Variants in WWC1 observed in about 807,000 individuals in gnomAD.
WWC1 encodes the protein WW and C2 domain containing 1.
WWC1 carries 55 observed loss-of-function variants against 138.4 expected under a neutral mutation model. The observed-to-expected ratio is 0.40, with a 90% CI of 0.32 to 0.50. The LOEUF is 0.50. Among genes scored for constraint, WWC1 ranks in the 20% least tolerant of loss-of-function variants. The pLI is 0.72. For missense variants in WWC1, 1,226 were observed against 1,420.4 expected, an observed-to-expected ratio of 0.86 and a Z score of 2.20; for synonymous variants, 524 against 564.9, an observed-to-expected ratio of 0.93 and a Z score of 1.03.
chr5:168,327,192 A>G (rs1342262536), intron 1 of WWC1, among the ~76,000 whole-genome samples: 3 of 152,228 alleles, frequency 2.0e-5, no homozygotes, highest in Non-Finnish European at 4.4e-5. Flanking sequence ...TCCAGTGCTC[A>G]TAGAAAACCC....
At chr5:168,449,403 G>A (rs934247113) in intron 17 of WWC1, among the ~76,000 whole-genome samples, 5 of 152,028 alleles carry the variant, frequency 3.3e-5, no homozygotes, top group Admixed American at 6.6e-5. Flanking sequence ...GGCCTCTGCC[G>A]CTCACTTTTT....
intron 1 of WWC1, among the ~76,000 whole-genome samples, chr5:168,343,777 A>T (rs1359024349): frequency 6.6e-6 from 1 of 151,144 alleles, no homozygotes; most frequent in Non-Finnish European, 1.5e-5. Context: ...AGCTGAGATC[A>T]TGCCACTGCA....
intron 13 of WWC1, 122 bp downstream of exon 13, chr5:168,428,909 C>CTGCT (rs1195537819): frequency 2.1e-6 from 2 of 968,374 alleles, no homozygotes; most frequent in African/African-American, 3.2e-5. Context: ...CCAGCAGGAC[C>CTGCT]TGCTGGCCAT....
intron 1 of WWC1, among the ~76,000 whole-genome samples, chr5:168,306,186 C>G (rs1770546156): frequency 6.6e-6 from 1 of 152,088 alleles, no homozygotes; most frequent in African/African-American, 2.4e-5. Context: ...TATGTGAGGT[C>G]AGGAGTTCGA....
At position 168,454,230 on chromosome 5, in the gene WWC1, A is replaced by C. The variant is rs541766544; in HGVS notation, c.2658+130A>C. 1.4e-5 allele frequency: 19 copies of C among 1,397,942 alleles called. No homozygotes were observed. The African/African-American group carries it at 2.3e-4, about 17-fold the overall frequency. The allele number at this position is 1,397,942 out of a possible 1,614,324, so 86.6% of individuals were successfully genotyped here. On this transcript the variant is annotated intron_variant, in intron 18 of 22. Transcript: ENST00000265293. ...ATCAGGGCACAAGCCCTCATAATGG[A>C]GTGGCCTTTGGGTCATTCTGGTGAT...
At chr5:168,402,465 A>T (rs551390903) in intron 5 of WWC1, among the ~76,000 whole-genome samples, 2 of 152,286 alleles carry the variant, frequency 1.3e-5, no homozygotes, top group Middle Eastern at 6.8e-3. Flanking sequence ...AATGCCTGGC[A>T]TGAGGGAAGA....
At chr5:168,425,390 T>C (rs1781424424) in intron 11 of WWC1, among the ~76,000 whole-genome samples, 1 of 152,156 alleles carries the variant, frequency 6.6e-6, no homozygotes, top group African/African-American at 2.4e-5. Flanking sequence ...TAATCATAGC[T>C]ATGATATATA....
At chr5:168,402,887 C>A (rs6862868) in intron 5 of WWC1, among the ~76,000 whole-genome samples, 2 of 151,812 alleles carry the variant, frequency 1.3e-5, no homozygotes, top group African/African-American at 4.8e-5. Flanking sequence ...GCCTACCCTG[C>A]GGCAGAACAT....
intron 1 of WWC1, among the ~76,000 whole-genome samples, chr5:168,350,771 T>G (rs1275449995): frequency 5.3e-5 from 8 of 152,260 alleles, no homozygotes; most frequent in Non-Finnish European, 1.2e-4. Context: ...AACAATGAGC[T>G]AAATGAGGGT....
Position 168,400,777 on chromosome 5 carries a change from A to G in WWC1, c.590+1210A>G, listed in dbSNP as rs575844793. 2.0e-5 allele frequency among the ~76,000 whole-genome samples: 3 copies of G among 150,746 alleles called. No homozygotes were observed. In the East Asian group the frequency reaches 5.9e-4, roughly 30 times the overall value. ...TGCAGTGAGCTGATTGCACCACTGC[A>G]CTCCAGTCTGAGTGGCAAAGTGAGA... On this transcript the variant is annotated intron_variant, in intron 5 of 22. Transcript: ENST00000265293.
At chr5:168,425,855 T>G (rs933924800) in intron 11 of WWC1, among the ~76,000 whole-genome samples, 44 of 152,206 alleles carry the variant, frequency 2.9e-4, no homozygotes, top group African/African-American at 9.9e-4. Context: ...TTAAAAGACT[T>G]GTCTGAGGTT....
chr5:168,446,806 A>G (rs898034585), intron 17 of WWC1, among the ~76,000 whole-genome samples: 2 of 152,222 alleles, frequency 1.3e-5, no homozygotes, highest in Non-Finnish European at 2.9e-5. Flanking sequence ...ACATGGTTGA[A>G]ATCATTGTTA....
At chr5:168,423,466 G>A in intron 10 of WWC1, 67 bp from the exon 11 acceptor site, 1 of 1,516,882 alleles carries the variant, frequency 6.6e-7, no homozygotes, top group Non-Finnish European at 8.9e-7. Context: ...CCAGAGCTCA[G>A]CAGAAGGTCT....
chr5:168,437,522 T>A (rs939080507), intron 15 of WWC1, among the ~76,000 whole-genome samples: 4 of 152,180 alleles, frequency 2.6e-5, no homozygotes, highest in Admixed American at 6.5e-5. Context: ...CTGATCCCCC[T>A]AGATGCAAAT....
intron 6 of WWC1, among the ~76,000 whole-genome samples, chr5:168,406,768 C>T (rs1194030054): frequency 3.3e-5 from 5 of 151,922 alleles, no homozygotes; most frequent in East Asian, 3.9e-4. Context: ...GGAGAAACCC[C>T]GTCTCTACTA....
intron 8 of WWC1, chr5:168,410,215 TTTGAACCCAGA>T: frequency 1.9e-6 from 1 of 525,296 alleles, no homozygotes. Flanking sequence ...GAAACTATGC[TTTGAACCCAGA>T]TCTGTTTAAC....
In WWC1 at chr5:168,467,917, G is replaced by A. The variant is rs754977361; in HGVS notation, c.3228G>A (p.Arg1076=). Residue 1076 remains arginine, a synonymous_variant, in exon 22 of 23, where the codon AGG becomes AGA. Coordinates refer to ENST00000265293, the MANE Select transcript of WWC1 (RefSeq NM_015238.3). ...GGGCAGCTGCCAAGGATGTGCACAG[G>A]CTCCGAGGCCAGAGCTGTAAGGAAC... ...MMRAAAKDVH[R]LRGQSCKEPP... is the part of the protein sequence containing the mutation. The A allele has an allele frequency of 1.9e-6, 3 of 1,614,244 alleles. No homozygotes were observed. The highest frequency in any genetic ancestry group is 2.5e-6 in the Non-Finnish European group (3 of 1,180,052).
intron 1 of WWC1, among the ~76,000 whole-genome samples, chr5:168,343,462 T>C (rs1774212222): frequency 6.6e-6 from 1 of 152,184 alleles, no homozygotes; most frequent in African/African-American, 2.4e-5. Flanking sequence ...GGACATCCCA[T>C]GCCTCCACAC....
At chr5:168,385,132 C>T in intron 2 of WWC1, 79 bp from the exon 3 acceptor site, 2 of 1,484,258 alleles carry the variant, frequency 1.3e-6, no homozygotes, top group South Asian at 2.5e-5. Flanking sequence ...TTTTTGTTTT[C>T]TGCTAGTGGA....
Sources: gnomAD v4.1 joint callset for allele counts (sites outside exome capture counted in the v4.1 genomes callset) on GRCh38, gnomAD v4.1.1 for gene constraint, MANE v1.5 for transcripts, NCBI Gene and HGNC (gene_info 2026-07-23, HGNC 2026-07-21) for gene names.